The following SMAD3 variants were observed in gnomAD, a reference collection of about 807,000 sequenced individuals.
SMAD3 encodes the protein MAD homolog 3.
A neutral mutation model predicts 51.8 loss-of-function variants in SMAD3; 12 were observed. The observed-to-expected ratio is 0.23, with a 90% confidence interval of 0.15 to 0.38. The LOEUF (loss-of-function observed/expected upper bound fraction) is 0.38. Among genes scored for constraint, SMAD3 ranks in the 10% least tolerant of loss-of-function variants. The pLI, the probability that SMAD3 is intolerant of heterozygous loss-of-function variation, is 1.00. For synonymous variants in SMAD3, 238 were observed against 227.7 expected (o/e 1.05, Z -0.41); for missense variants, 294 against 565.6 (o/e 0.52, Z 4.87).
At chr15:67,097,541 G>A (rs988105366) in intron 1 of SMAD3, among the ~76,000 whole-genome samples, 1 of 152,152 alleles carries the variant, frequency 6.6e-6, no homozygotes, top group Non-Finnish European at 1.5e-5. Context: ...CACTGCGCCC[G>A]GCCTTATCTC....
chr15:67,159,944 A>C (rs1962382393), intron 1 of SMAD3, among the ~76,000 whole-genome samples: 1 of 152,168 alleles, frequency 6.6e-6, no homozygotes, highest in South Asian at 2.1e-4. Flanking sequence ...GTAGTTTTCA[A>C]TTTGGGGCTA....
intron 1 of SMAD3, among the ~76,000 whole-genome samples, chr15:67,123,462 G>A (rs547722534): frequency 1.3e-5 from 2 of 152,270 alleles, no homozygotes; most frequent in South Asian, 2.1e-4. Context: ...TTGTGCCATC[G>A]CACTCCAGCT....
At chr15:67,158,282 T>C (rs921604446) in intron 1 of SMAD3, among the ~76,000 whole-genome samples, 5 of 152,354 alleles carry the variant, frequency 3.3e-5, no homozygotes, top group African/African-American at 9.6e-5. Flanking sequence ...TTCACTCTTA[T>C]TACTTTGGTA....
At chr15:67,088,418 T>C (rs1425942880) in intron 1 of SMAD3, among the ~76,000 whole-genome samples, 1 of 152,132 alleles carries the variant, frequency 6.6e-6, no homozygotes, top group Non-Finnish European at 1.5e-5. Context: ...CATCTGCCAG[T>C]GTGAAAACAC....
At chr15:67,177,145 C>A (rs889573377) in intron 5 of SMAD3, among the ~76,000 whole-genome samples, 1 of 152,124 alleles carries the variant, frequency 6.6e-6, no homozygotes, top group African/African-American at 2.4e-5. Flanking sequence ...TGAGAGATTT[C>A]TTTTAAGATT....
In SMAD3 at chr15:67,140,103, C is replaced by T. The variant is rs375127356; in HGVS notation, c.207-24792C>T. Among the ~76,000 whole-genome samples the T allele has an allele frequency of 5.4e-5, 8 of 146,892 alleles. 1 individual carries two copies. The highest frequency in any genetic ancestry group is 4.0e-4 in the East Asian group (2 of 4,956). On this transcript the variant is annotated intron_variant, in intron 1 of 8. Coordinates refer to ENST00000327367, the MANE Select transcript of SMAD3 (RefSeq NM_005902.4). ...CACCATTGCATCCTAGCCTGGGCAACAAGAGTGAAACTCTGTCTCAAAAAA... is the reference window on the plus strand; with the variant it reads ...CACCATTGCATCCTAGCCTGGGCAATAAGAGTGAAACTCTGTCTCAAAAAA...
At chr15:67,187,338 A>C in intron 7 of SMAD3, 27 bp from the exon 8 acceptor site, 1 of 1,614,086 alleles carries the variant, frequency 6.2e-7, no homozygotes, top group Non-Finnish European at 8.5e-7. Context: ...TTCCATCCCC[A>C]CAGCCCTGTT....
intron 1 of SMAD3, among the ~76,000 whole-genome samples, chr15:67,127,141 C>G (rs1032323656): frequency 6.6e-6 from 1 of 152,134 alleles, no homozygotes; most frequent in Non-Finnish European, 1.5e-5. Context: ...CAAATCAAGC[C>G]CAGACACCGG....
At chr15:67,126,188 C>T (rs1292851691) in intron 1 of SMAD3, among the ~76,000 whole-genome samples, 1 of 152,170 alleles carries the variant, frequency 6.6e-6, no homozygotes, top group Non-Finnish European at 1.5e-5. Flanking sequence ...AGTTTACCTC[C>T]ATAGCCTTCT....
At chr15:67,123,266 C>T (rs1197253295) in intron 1 of SMAD3, among the ~76,000 whole-genome samples, 5 of 150,320 alleles carry the variant, frequency 3.3e-5, no homozygotes, top group Admixed American at 6.6e-5. Context: ...GAGGCCGAGG[C>T]GGGTGGATCA....
At chr15:67,096,639 A>C (rs1595896324) in intron 1 of SMAD3, among the ~76,000 whole-genome samples, 2 of 150,574 alleles carry the variant, frequency 1.3e-5, no homozygotes, top group South Asian at 4.2e-4. Flanking sequence ...CATGATTGAT[A>C]CTTTTTTTTT....
chr15:67,126,754 C>T (rs962197893), intron 1 of SMAD3, among the ~76,000 whole-genome samples: 2 of 152,206 alleles, frequency 1.3e-5, no homozygotes, highest in Non-Finnish European at 2.9e-5. Flanking sequence ...TTCCTCAGCT[C>T]TGTGGTTAGC....
At chr15:67,151,212 T>A (rs1191981734) in intron 1 of SMAD3, among the ~76,000 whole-genome samples, 1 of 152,110 alleles carries the variant, frequency 6.6e-6, no homozygotes. Flanking sequence ...AGATTTGTGT[T>A]TCAGTTCTAC....
At chr15:67,068,515 G>A (rs780830164) in intron 1 of SMAD3, among the ~76,000 whole-genome samples, 2 of 152,212 alleles carry the variant, frequency 1.3e-5, no homozygotes, top group African/African-American at 4.8e-5. Context: ...GGAAGCCTAA[G>A]ACGTGTGAAC....
intron 1 of SMAD3, among the ~76,000 whole-genome samples, chr15:67,099,503 G>A (rs1960701947): frequency 6.6e-6 from 1 of 152,226 alleles, no homozygotes; most frequent in African/African-American, 2.4e-5. Context: ...GGGTTCCAGT[G>A]TTTTGCTAGC....
chr15:67,123,906 G>A (rs570277673), intron 1 of SMAD3, among the ~76,000 whole-genome samples: 12 of 152,136 alleles, frequency 7.9e-5, no homozygotes, highest in Non-Finnish European at 1.3e-4. Flanking sequence ...TCCAACTTTC[G>A]GATATGCTGT....
intron 7 of SMAD3, chr15:67,187,001 C>T (rs1224523622): frequency 6.4e-6 from 3 of 469,464 alleles, no homozygotes; most frequent in Non-Finnish European, 1.3e-5. Context: ...CTCTCTGTCC[C>T]CTGGTCCCTT....
rs907683935 is a variant in SMAD3, at chr15:67,192,439, T to A, written c.*1903T>A. 2 of 233,358 alleles carry A rather than the reference T, an allele frequency of 8.6e-6. No homozygotes were observed. Among genetic ancestry groups the A allele is most frequent in the South Asian group, 3.6e-4 (2 of 5,534 alleles). The allele number at this position is 233,358 out of a possible 1,614,324, so 14.5% of individuals were successfully genotyped here. On this transcript the variant is annotated 3_prime_UTR_variant, in exon 9 of 9. Coordinates refer to ENST00000327367, the MANE Select transcript of SMAD3 (RefSeq NM_005902.4). ...GGCCAAATGCTGTGAGTCTGAAGTA[T>A]GTGCCTGGTGTGAAATGATCTATGG...
At position 67,188,148 on chromosome 15, in the gene SMAD3, CTTTTTTTTT is replaced by C. The variant is rs11367565; in HGVS notation, c.1154+652_1154+660del. On this transcript the variant is annotated intron_variant, in intron 8 of 8. Transcript: ENST00000327367. ...TACATACTGGTTTCTTTTTCTTTTT[CTTTTTTTTT>C]TTTTTTTTTTTTGAGATGGAGTCTC... Among the ~76,000 whole-genome samples, 260 of 116,004 alleles carry C rather than the reference CTTTTTTTTT, an allele frequency of 2.2e-3. 1 individual carries two copies. The highest frequency in any genetic ancestry group is 7.4e-3 in the African/African-American group (247 of 33,158). The allele number at this position is 116,004 out of a possible 152,430, so 76.1% of individuals were successfully genotyped here. A position where few individuals can be genotyped will look rare whatever the true frequency, so the allele number is the denominator to read the frequency against.
Sources: allele counts gnomAD v4.1 joint callset (sites outside exome capture counted in the v4.1 genomes callset), GRCh38; gene constraint gnomAD v4.1.1; transcripts MANE v1.5; gene names NCBI Gene and HGNC (gene_info 2026-07-23, HGNC 2026-07-21).